SIPA1L1: variants seen among roughly 807,000 people sequenced by gnomAD.
SIPA1L1 encodes the protein signal induced proliferation associated 1 like 1.
SIPA1L1 carries 26 observed loss-of-function variants against 162.7 expected under a neutral mutation model. The observed-to-expected ratio is 0.16, with a 90% confidence interval of 0.12 to 0.22. SIPA1L1 has a LOEUF of 0.22. Ranked by LOEUF, SIPA1L1 falls within the 10% of genes least tolerant of loss-of-function variation. The probability of loss-of-function intolerance (pLI) is 1.00; values close to 1 mark genes in which losing one functional copy is unlikely to be tolerated. For synonymous variants in SIPA1L1, 829 were observed against 837.4 expected (o/e 0.99, Z 0.17); for missense variants, 1,874 against 2,241.0 (o/e 0.84, Z 3.31).
intron 7 of SIPA1L1, among the ~76,000 whole-genome samples, chr14:71,642,947 T>C (rs2041852975): frequency 6.8e-6 from 1 of 147,338 alleles, no homozygotes; most frequent in Non-Finnish European, 1.5e-5. Flanking sequence ...CTTGATGACA[T>C]AGCAATAGAA....
At chr14:71,527,313 A>G (rs910417715) in intron 3 of SIPA1L1, among the ~76,000 whole-genome samples, 1 of 151,448 alleles carries the variant, frequency 6.6e-6, no homozygotes, top group African/African-American at 2.4e-5. Context: ...ATGCCTAGCT[A>G]ATTTTTTATT....
At chr14:71,581,676 A>G (rs886993973) in intron 4 of SIPA1L1, among the ~76,000 whole-genome samples, 1 of 152,196 alleles carries the variant, frequency 6.6e-6, no homozygotes, top group Admixed American at 6.5e-5. Context: ...TCATACAATT[A>G]TTATGATAAA....
intron 4 of SIPA1L1, chr14:71,586,652 T>C (rs1243306834): frequency 1.3e-5 from 2 of 152,222 alleles, no homozygotes; most frequent in African/African-American, 4.8e-5. Context: ...GACGTGCTCA[T>C]GAGGAAGTTT....
At chr14:71,696,265 T>C (rs1277397351) in intron 13 of SIPA1L1, among the ~76,000 whole-genome samples, 1 of 152,198 alleles carries the variant, frequency 6.6e-6, no homozygotes, top group Non-Finnish European at 1.5e-5. Context: ...CCCTGCTTCT[T>C]TCTTCTCACC....
At chr14:71,361,520 T>C (rs1270171145) in intron 2 of SIPA1L1, among the ~76,000 whole-genome samples, 1 of 152,214 alleles carries the variant, frequency 6.6e-6, no homozygotes, top group African/African-American at 2.4e-5. Context: ...CCCCTCACTT[T>C]ATCCTGGTCA....
At chr14:71,681,121 A>G (rs1274321174) in intron 12 of SIPA1L1, among the ~76,000 whole-genome samples, 1 of 152,350 alleles carries the variant, frequency 6.6e-6, no homozygotes, top group East Asian at 1.9e-4. Context: ...CAAAGAGTGA[A>G]CGGAACCAGC....
intron 2 of SIPA1L1, among the ~76,000 whole-genome samples, chr14:71,394,020 C>G (rs1208770106): frequency 6.6e-6 from 1 of 152,192 alleles, no homozygotes; most frequent in African/African-American, 2.4e-5. Flanking sequence ...ATAAGCAAAT[C>G]CTGTTCCTAG....
rs1357491814 is a variant in SIPA1L1, at chr14:71,347,676, A to T, written c.-465+26495A>T. ...CTCCACATCTTTGCCAACACTTGTT[A>T]CTGTATGGCTTTTCTTTTTATTTTT... On this transcript the variant is annotated intron_variant, in intron 2 of 23. Coordinates refer to ENST00000381232, the MANE Select transcript of SIPA1L1 (RefSeq NM_001386936.1). Among the ~76,000 whole-genome samples the T allele has an allele frequency of 2.0e-5, 3 of 152,180 alleles. No individual in the cohort carries two copies. In the South Asian group the frequency reaches 6.2e-4, roughly 32 times the overall value.
chr14:71,362,331 C>A (rs2037889789), intron 2 of SIPA1L1, among the ~76,000 whole-genome samples: 1 of 152,028 alleles, frequency 6.6e-6, no homozygotes, highest in Non-Finnish European at 1.5e-5. Flanking sequence ...ATAGAATAAA[C>A]CAAAGGTTCC....
At chr14:71,729,958 T>C (rs1308040484) in intron 19 of SIPA1L1, 97 bp from the exon 20 acceptor site, 1 of 1,346,280 alleles carries the variant, frequency 7.4e-7, no homozygotes, top group Non-Finnish European at 1.0e-6. Flanking sequence ...GGGGTGTGTC[T>C]GGAGCAGTAA....
At chr14:71,703,376 A>C (rs2082224209) in intron 15 of SIPA1L1, among the ~76,000 whole-genome samples, 1 of 152,222 alleles carries the variant, frequency 6.6e-6, no homozygotes, top group South Asian at 2.1e-4. Flanking sequence ...GTCCTGTTTT[A>C]ATGACTTTGC....
At chr14:71,480,029 G>C (rs187209872) in intron 2 of SIPA1L1, among the ~76,000 whole-genome samples, 26 of 151,966 alleles carry the variant, frequency 1.7e-4, no homozygotes, top group Non-Finnish European at 1.5e-5. Flanking sequence ...ATGAGCCATT[G>C]CATGCAGTCC....
chr14:71,546,376 CT>C (rs11480749), intron 4 of SIPA1L1, among the ~76,000 whole-genome samples: 92 of 116,928 alleles, frequency 7.9e-4, no homozygotes, highest in African/African-American at 2.5e-3. Flanking sequence ...CTTTTTCTTT[CT>C]TTTTTTTTTT....
intron 12 of SIPA1L1, among the ~76,000 whole-genome samples, chr14:71,675,540 A>T (rs925674397): frequency 3.9e-5 from 6 of 152,278 alleles, no homozygotes; most frequent in African/African-American, 1.4e-4. Context: ...CAAAGGGAAC[A>T]GCTGAAGCAT....
At chr14:71,359,726 G>C (rs2037619542) in intron 2 of SIPA1L1, among the ~76,000 whole-genome samples, 1 of 152,146 alleles carries the variant, frequency 6.6e-6, no homozygotes, top group Non-Finnish European at 1.5e-5. Flanking sequence ...GTAAGTGCAT[G>C]AGTTGTGTTG....
At chr14:71,501,196 CT>C (rs951607114) in intron 2 of SIPA1L1, among the ~76,000 whole-genome samples, 47 of 152,144 alleles carry the variant, frequency 3.1e-4, no homozygotes, top group African/African-American at 1.1e-3. Context: ...TGGTGTGCAT[CT>C]GTGGTCCCAG....
At chr14:71,342,854 G>A (rs993490739) in intron 2 of SIPA1L1, among the ~76,000 whole-genome samples, 1 of 152,152 alleles carries the variant, frequency 6.6e-6, no homozygotes, top group Non-Finnish European at 1.5e-5. Flanking sequence ...AGGTTGGGTG[G>A]TTTTATCTTA....
In SIPA1L1 at chr14:71,624,175, T is replaced by C; in HGVS notation, c.1757T>C (p.Leu586Pro). Residue 586 changes from leucine to proline, a missense_variant, in exon 7 of 24, where the codon CTG becomes CCG. This residue lies in a region of SIPA1L1 where 685 missense variants were observed against 828.0 expected (regional missense o/e 0.83). Transcript: ENST00000381232. ...HVVPELNVQC[L>P]RLAFNTPKVT... ...GTTCCTGAGCTCAATGTCCAGTGCCTGCGGTTGGCCTTCAACACACCCAAG... is the reference window on the plus strand; with the variant it reads ...GTTCCTGAGCTCAATGTCCAGTGCCCGCGGTTGGCCTTCAACACACCCAAG... The C allele has an allele frequency of 6.2e-7, 1 of 1,614,194 alleles. No individual in the cohort carries two copies. The highest frequency in any genetic ancestry group is 1.1e-5 in the South Asian group (1 of 91,080).
intron 10 of SIPA1L1, among the ~76,000 whole-genome samples, chr14:71,667,630 C>T (rs917337843): frequency 6.6e-6 from 1 of 152,202 alleles, no homozygotes; most frequent in Non-Finnish European, 1.5e-5. Flanking sequence ...GAGGAAACTT[C>T]CTTCTCCCAT....
Sources: gnomAD v4.1 joint callset for allele counts (sites outside exome capture counted in the v4.1 genomes callset) on GRCh38, gnomAD v4.1.1 for gene constraint, gnomAD v4.1.1 regional missense constraint, MANE v1.5 for transcripts, NCBI Gene and HGNC (gene_info 2026-07-23, HGNC 2026-07-21) for gene names.